The following CPNE8 variants were observed in gnomAD, a reference collection of about 807,000 sequenced individuals.
CPNE8 encodes copine-8.
A neutral mutation model predicts 81.5 loss-of-function variants in CPNE8; 45 were observed. The ratio of observed to expected loss-of-function variants is 0.55; its 90% CI spans 0.44 to 0.71. The LOEUF is 0.71. Among genes scored for constraint, CPNE8 ranks in the 30% least tolerant of loss-of-function variants. The pLI, the probability that CPNE8 is intolerant of heterozygous loss-of-function variation, is 0.00. For missense variants in CPNE8, 594 were observed against 672.1 expected (o/e 0.88, Z 1.28); for synonymous variants, 252 against 226.3 (o/e 1.11, Z -1.02).
intron 15 of CPNE8, among the ~76,000 whole-genome samples, chr12:38,692,559 G>A (rs1351115083): frequency 6.6e-6 from 1 of 152,062 alleles, no homozygotes; most frequent in Non-Finnish European, 1.5e-5. Context: ...TTCTGATTTT[G>A]GAGGCTAAAC....
intron 1 of CPNE8, among the ~76,000 whole-genome samples, chr12:38,887,204 G>A (rs1944249043): frequency 6.6e-6 from 1 of 152,132 alleles, no homozygotes; most frequent in African/African-American, 2.4e-5. Context: ...AGCAGTGAAG[G>A]CTCCATGGAG....
chr12:38,654,408 G>A (rs991713716), intron 19 of CPNE8, among the ~76,000 whole-genome samples: 2 of 151,148 alleles, frequency 1.3e-5, no homozygotes, highest in Admixed American at 6.6e-5. Flanking sequence ...CCAGCTACTC[G>A]GGAGGCTGAG....
intron 3 of CPNE8, among the ~76,000 whole-genome samples, chr12:38,857,409 G>A (rs1943758974): frequency 6.6e-6 from 1 of 152,172 alleles, no homozygotes; most frequent in South Asian, 2.1e-4. Context: ...CAGAAAGATG[G>A]AGTCGTTTCT....
intron 18 of CPNE8, 146 bp from the exon 19 acceptor site, chr12:38,670,948 A>G: frequency 1.8e-6 from 1 of 548,416 alleles, no homozygotes. Context: ...GTCTTCATTC[A>G]TTTCTCATAC....
At chr12:38,787,304 T>C (rs1353219560) in intron 6 of CPNE8, among the ~76,000 whole-genome samples, 2 of 151,808 alleles carry the variant, frequency 1.3e-5, no homozygotes, top group Non-Finnish European at 2.9e-5. Flanking sequence ...ACAAGGGGAA[T>C]TTGAGAAAAT....
At chr12:38,722,542 G>A (rs1940591958) in intron 13 of CPNE8, among the ~76,000 whole-genome samples, 1 of 152,038 alleles carries the variant, frequency 6.6e-6, no homozygotes, top group Non-Finnish European at 1.5e-5. Flanking sequence ...GTCTTTATGG[G>A]GTGGCAGGGG....
intron 10 of CPNE8, among the ~76,000 whole-genome samples, chr12:38,745,839 A>G (rs1209972704): frequency 6.6e-6 from 1 of 152,182 alleles, no homozygotes; most frequent in Non-Finnish European, 1.5e-5. Context: ...ACGGCACCCC[A>G]TAGGGTTTTT....
intron 6 of CPNE8, among the ~76,000 whole-genome samples, chr12:38,794,170 A>G (rs1233703398): frequency 6.6e-6 from 1 of 152,192 alleles, no homozygotes. Flanking sequence ...CCAAAAGTAC[A>G]GGCAACGAAA....
chr12:38,822,192 A>G (rs1943119432), intron 6 of CPNE8, among the ~76,000 whole-genome samples: 1 of 152,218 alleles, frequency 6.6e-6, no homozygotes, highest in Non-Finnish European at 1.5e-5. Flanking sequence ...TTTTGTAATT[A>G]CATGTTAACA....
intron 13 of CPNE8, among the ~76,000 whole-genome samples, chr12:38,706,530 T>C (rs542284648): frequency 2.0e-5 from 3 of 152,284 alleles, no homozygotes; most frequent in South Asian, 2.1e-4. Flanking sequence ...CTATCAAATA[T>C]GTTATCAAGT....
chr12:38,778,058 C>G (rs536592988), intron 6 of CPNE8, among the ~76,000 whole-genome samples: 29 of 152,270 alleles, frequency 1.9e-4, no homozygotes, highest in Non-Finnish European at 3.4e-4. Context: ...GGAAAACAAG[C>G]TCAGGGGTCC....
At chr12:38,842,131 C>T (rs1943478808) in intron 4 of CPNE8, among the ~76,000 whole-genome samples, 1 of 151,914 alleles carries the variant, frequency 6.6e-6, no homozygotes, top group Non-Finnish European at 1.5e-5. Flanking sequence ...ACAGCTATAG[C>T]CTGGAATTTT....
At position 38,725,879 on chromosome 12, in the gene CPNE8, C is replaced by G. The variant is rs548673962; in HGVS notation, c.799-980G>C. Among the ~76,000 whole-genome samples the G allele has an allele frequency of 6.6e-5, 10 of 152,234 alleles. No individual in the cohort carries two copies. In the South Asian group the frequency reaches 2.1e-3, roughly 32 times the overall value. ...TAAATAGGAGAATGATATAATAGGT[C>G]TACAGCAGCAGTCCTCAACCTTTTT... is the stretch of plus-strand genomic sequence containing the variant. On this transcript the variant is annotated intron_variant, in intron 11 of 19. Coordinates refer to ENST00000331366, the MANE Select transcript of CPNE8 (RefSeq NM_153634.3).
intron 15 of CPNE8, among the ~76,000 whole-genome samples, chr12:38,686,984 T>G (rs2136661608): frequency 6.6e-6 from 1 of 152,320 alleles, no homozygotes; most frequent in East Asian, 1.9e-4. Flanking sequence ...TAGCCTCCAC[T>G]TCAGGAAGGG....
rs1938754976 is a variant in CPNE8, at chr12:38,653,671, A to T, written c.*211T>A. On this transcript the variant is annotated 3_prime_UTR_variant, in exon 20 of 20. Coordinates refer to ENST00000331366, the MANE Select transcript of CPNE8 (RefSeq NM_153634.3). ...AAGACATCCATACTTTGCTTCAAGC[A>T]TTTAAACAATTTTTTCTGTTGCTCA... 6.3e-6 allele frequency: 3 copies of T among 474,526 alleles called. No homozygotes were observed. Among genetic ancestry groups the T allele is most frequent in the Non-Finnish European group, 1.0e-5 (3 of 298,474 alleles). The allele number at this position is 474,526 out of a possible 1,614,324, so 29.4% of individuals were successfully genotyped here.
At chr12:38,784,721 C>G (rs149086079) in intron 6 of CPNE8, among the ~76,000 whole-genome samples, 2 of 151,664 alleles carry the variant, frequency 1.3e-5, no homozygotes, top group Non-Finnish European at 2.9e-5. Flanking sequence ...AGTGGCATGA[C>G]ATATATAAAA....
chr12:38,677,223 T>C (rs997594945), intron 17 of CPNE8, among the ~76,000 whole-genome samples: 4 of 152,162 alleles, frequency 2.6e-5, no homozygotes, highest in Non-Finnish European at 4.4e-5. Context: ...ATCTTTTTTT[T>C]TCTTTAGGCA....
chr12:38,797,509 TAACA>T lies in CPNE8; in HGVS notation c.408-21212_408-21209del, dbSNP rs544591010. 6.5e-3 allele frequency among the ~76,000 whole-genome samples: 992 copies of T among 152,156 alleles called. 9 individuals carry two copies. The highest frequency in any genetic ancestry group is 0.022 in the African/African-American group (915 of 41,508). On this transcript the variant is annotated intron_variant, in intron 6 of 19. Transcript: ENST00000331366. ...GGGTCCTGTCTGTTAGAAGGAAAAC[TAACA>T]AACAGAGAGGACATCCACACCAAAA...
chr12:38,896,171 T>C (rs1944385319), intron 1 of CPNE8, among the ~76,000 whole-genome samples: 1 of 152,196 alleles, frequency 6.6e-6, no homozygotes, highest in South Asian at 2.1e-4. Flanking sequence ...TACTGTCTAA[T>C]AAATAGAAAT....
Sources: allele counts gnomAD v4.1 joint callset (sites outside exome capture counted in the v4.1 genomes callset), GRCh38; gene constraint gnomAD v4.1.1; transcripts MANE v1.5; gene names NCBI Gene and HGNC (gene_info 2026-07-23, HGNC 2026-07-21).